Variants in OPCML observed in about 807,000 individuals in gnomAD.
OPCML encodes the protein opioid-binding protein/cell adhesion molecule.
OPCML carries 13 observed loss-of-function variants against 37.8 expected under a neutral mutation model. That is an observed-to-expected ratio of 0.34 (90% CI 0.22 to 0.55). The LOEUF is 0.55. Ranked by LOEUF, OPCML falls within the 20% of genes least tolerant of loss-of-function variation. The pLI is 0.91. For missense variants in OPCML, 341 were observed against 435.6 expected (o/e 0.78, Z 1.93); for synonymous variants, 176 against 168.8 (o/e 1.04, Z -0.33).
chr11:132,826,921 G>A (rs1439005447), intron 2 of OPCML, among the ~76,000 whole-genome samples: 1 of 152,168 alleles, frequency 6.6e-6, no homozygotes, highest in Non-Finnish European at 1.5e-5. Context: ...TCCTAAGGAA[G>A]AAATATAGGT....
intron 2 of OPCML, among the ~76,000 whole-genome samples, chr11:132,727,828 A>G (rs1469744517): frequency 2.6e-5 from 4 of 152,200 alleles, no homozygotes; most frequent in Non-Finnish European, 5.9e-5. Context: ...TTCACCCTTA[A>G]AAAGAAAGCT....
At chr11:132,562,825 C>A (rs2096413509) in intron 3 of OPCML, among the ~76,000 whole-genome samples, 1 of 152,058 alleles carries the variant, frequency 6.6e-6, no homozygotes, top group Non-Finnish European at 1.5e-5. Context: ...CAAATTTAAA[C>A]AAATTGGCTA....
intron 3 of OPCML, among the ~76,000 whole-genome samples, chr11:132,558,311 C>G (rs1435923031): frequency 3.7e-5 from 2 of 54,102 alleles, no homozygotes; most frequent in Admixed American, 1.9e-4. Context: ...CTCCTCCTCT[C>G]CCCCTCCTCC....
intron 3 of OPCML, among the ~76,000 whole-genome samples, chr11:132,603,973 C>T (rs916637815): frequency 1.3e-5 from 2 of 152,176 alleles, no homozygotes; most frequent in African/African-American, 4.8e-5. Flanking sequence ...TATCAGTGAA[C>T]TTGCAAGGGG....
At chr11:133,367,650 C>G (rs973857803) in intron 1 of OPCML, among the ~76,000 whole-genome samples, 6 of 152,216 alleles carry the variant, frequency 3.9e-5, no homozygotes, top group Non-Finnish European at 5.9e-5. Flanking sequence ...AATTTAGCAT[C>G]TAATAATAGC....
At chr11:132,887,923 G>A (rs1565938806) in intron 2 of OPCML, among the ~76,000 whole-genome samples, 1 of 152,190 alleles carries the variant, frequency 6.6e-6, no homozygotes, top group African/African-American at 2.4e-5. Flanking sequence ...ATAGCATAGG[G>A]AAAGTTGAGG....
chr11:133,382,727 G>A (rs887537589), intron 1 of OPCML, among the ~76,000 whole-genome samples: 3 of 152,092 alleles, frequency 2.0e-5, no homozygotes, highest in Admixed American at 2.0e-4. Context: ...GGCAACGAGG[G>A]CTTTTCCTCC....
intron 3 of OPCML, among the ~76,000 whole-genome samples, chr11:132,585,970 C>T (rs1226145614): frequency 6.6e-6 from 1 of 152,128 alleles, no homozygotes; most frequent in African/African-American, 2.4e-5. Flanking sequence ...TCTGAATTGA[C>T]ATTGTTACTC....
At chr11:133,439,581 C>A (rs938145271) in intron 1 of OPCML, among the ~76,000 whole-genome samples, 3 of 152,100 alleles carry the variant, frequency 2.0e-5, no homozygotes, top group Non-Finnish European at 4.4e-5. Context: ...CATTCTCCTG[C>A]CTCAGCCTCC....
At chr11:133,215,184 C>G (rs497471) in intron 1 of OPCML, among the ~76,000 whole-genome samples, 1 of 151,970 alleles carries the variant, frequency 6.6e-6, no homozygotes, top group African/African-American at 2.4e-5. Flanking sequence ...AGAAAGGTCA[C>G]ATTTTAAGAG....
chr11:133,394,890 A>G (rs1945253320), intron 1 of OPCML, among the ~76,000 whole-genome samples: 1 of 152,264 alleles, frequency 6.6e-6, no homozygotes. Context: ...GTATATACCC[A>G]TAAATGGGAT....
chr11:133,157,476 G>C (rs574768087), intron 1 of OPCML, among the ~76,000 whole-genome samples: 134 of 152,234 alleles, frequency 8.8e-4, no homozygotes, highest in Non-Finnish European at 1.6e-3. Flanking sequence ...TTCATATCCA[G>C]GCTTGACTCA....
At chr11:132,984,131 C>T (rs1486060499) in intron 1 of OPCML, among the ~76,000 whole-genome samples, 1 of 152,144 alleles carries the variant, frequency 6.6e-6, no homozygotes, top group East Asian at 1.9e-4. Flanking sequence ...TTCCCAAGGC[C>T]AGAAAGCTTA....
At chr11:132,829,381 T>C (rs1452825712) in intron 2 of OPCML, among the ~76,000 whole-genome samples, 7 of 152,150 alleles carry the variant, frequency 4.6e-5, no homozygotes. Context: ...ATCTGACAAG[T>C]GAGGAAACTG....
At chr11:133,320,617 T>C (rs1481651476) in intron 1 of OPCML, among the ~76,000 whole-genome samples, 1 of 152,224 alleles carries the variant, frequency 6.6e-6, no homozygotes, top group Non-Finnish European at 1.5e-5. Flanking sequence ...TTTTTGCCAA[T>C]CCTGGAAAGC....
intron 1 of OPCML, among the ~76,000 whole-genome samples, chr11:133,230,477 A>G (rs1940231019): frequency 6.6e-6 from 1 of 152,188 alleles, no homozygotes; most frequent in African/African-American, 2.4e-5. Flanking sequence ...TGCTGACCTA[A>G]GGAACAAAAG....
At chr11:132,908,324 A>G (rs754078366) in intron 2 of OPCML, among the ~76,000 whole-genome samples, 18 of 152,250 alleles carry the variant, frequency 1.2e-4, no homozygotes, top group Non-Finnish European at 2.5e-4. Flanking sequence ...GTGCACACAT[A>G]GGTACACACA....
chr11:132,999,910 C>A (rs190019463), intron 1 of OPCML, among the ~76,000 whole-genome samples: 2 of 152,212 alleles, frequency 1.3e-5, no homozygotes, highest in Admixed American at 1.3e-4. Flanking sequence ...ACGCATCCCC[C>A]TCAAAGGCAG....
At chr11:133,016,850 TATA>T (rs1156682244) in intron 1 of OPCML, among the ~76,000 whole-genome samples, 2 of 152,190 alleles carry the variant, frequency 1.3e-5, no homozygotes, top group Non-Finnish European at 2.9e-5. Context: ...TCTGCTCGTT[TATA>T]ATGAGGCCTA....
Sources: allele counts gnomAD v4.1 joint callset (sites outside exome capture counted in the v4.1 genomes callset), GRCh38; gene constraint gnomAD v4.1.1; transcripts MANE v1.5; gene names NCBI Gene and HGNC (gene_info 2026-07-23, HGNC 2026-07-21).